The following NKAIN2 variants were observed in gnomAD, a reference collection of about 807,000 sequenced individuals.
NKAIN2 encodes the protein sodium/potassium-transporting ATPase subunit beta-1-interacting protein 2.
NKAIN2 carries 14 observed loss-of-function variants against 32.6 expected under a neutral mutation model. That is an observed-to-expected ratio of 0.43 (90% CI 0.28 to 0.67). The LOEUF is 0.67. NKAIN2 is among the 30% of genes least tolerant of loss of function. The pLI is 0.17. For missense variants in NKAIN2, 198 were observed against 258.3 expected (o/e 0.77, Z 1.60); for synonymous variants, 80 against 87.2 (o/e 0.92, Z 0.46).
chr6:124,407,587 G>C (rs1170329626), intron 3 of NKAIN2, among the ~76,000 whole-genome samples: 1 of 151,984 alleles, frequency 6.6e-6, no homozygotes, highest in Non-Finnish European at 1.5e-5. Context: ...TCTTAATCCA[G>C]TCTATCATTG....
intron 4 of NKAIN2, among the ~76,000 whole-genome samples, chr6:124,669,302 T>C (rs1772976391): frequency 6.6e-6 from 1 of 152,138 alleles, no homozygotes. Flanking sequence ...CTGCCCTGCA[T>C]TGGTATGAAG....
intron 3 of NKAIN2, among the ~76,000 whole-genome samples, chr6:124,499,034 C>CT (rs1308159511): frequency 1.3e-5 from 2 of 152,230 alleles, no homozygotes; most frequent in East Asian, 3.9e-4. Flanking sequence ...TCCCAAAGTG[C>CT]TGGTATTACA....
At chr6:124,787,409 G>A (rs905239607) in intron 4 of NKAIN2, among the ~76,000 whole-genome samples, 2 of 152,034 alleles carry the variant, frequency 1.3e-5, no homozygotes, top group African/African-American at 4.8e-5. Flanking sequence ...TAGCAACTCA[G>A]GACTCTGTTT....
At chr6:124,149,781 G>C (rs1484465842) in intron 1 of NKAIN2, among the ~76,000 whole-genome samples, 1 of 152,124 alleles carries the variant, frequency 6.6e-6, no homozygotes, top group Non-Finnish European at 1.5e-5. Flanking sequence ...CTGGCTGATG[G>C]ACGAAATGAG....
intron 1 of NKAIN2, among the ~76,000 whole-genome samples, chr6:124,054,291 A>G (rs1782546480): frequency 6.6e-6 from 1 of 152,098 alleles, no homozygotes; most frequent in Admixed American, 6.6e-5. Flanking sequence ...GCACACTGAT[A>G]GAGAAAGCCT....
intron 1 of NKAIN2, among the ~76,000 whole-genome samples, chr6:124,176,223 T>G (rs1369239424): frequency 6.6e-6 from 1 of 152,212 alleles, no homozygotes; most frequent in Non-Finnish European, 1.5e-5. Flanking sequence ...AGTGAGCACA[T>G]GCTGTTGGAA....
At chr6:124,638,347 C>A (rs1318084381) in intron 3 of NKAIN2, among the ~76,000 whole-genome samples, 2 of 152,062 alleles carry the variant, frequency 1.3e-5, no homozygotes, top group Non-Finnish European at 2.9e-5. Flanking sequence ...TGACATAGGT[C>A]AAGGCAAATA....
At chr6:124,094,481 A>G (rs1784567597) in intron 1 of NKAIN2, among the ~76,000 whole-genome samples, 1 of 152,176 alleles carries the variant, frequency 6.6e-6, no homozygotes, top group Admixed American at 6.6e-5. Flanking sequence ...AAAGATCTAC[A>G]GGAATCCACA....
At chr6:124,378,221 A>T (rs1340455600) in intron 3 of NKAIN2, among the ~76,000 whole-genome samples, 1 of 152,088 alleles carries the variant, frequency 6.6e-6, no homozygotes, top group Non-Finnish European at 1.5e-5. Flanking sequence ...GTGACAGAAC[A>T]CTCACACTCC....
chr6:124,257,630 G>A (rs1794011090), intron 1 of NKAIN2, among the ~76,000 whole-genome samples: 1 of 152,062 alleles, frequency 6.6e-6, no homozygotes, highest in East Asian at 1.9e-4. Context: ...TAATTTCCAG[G>A]ATATAAGAGG....
Position 124,487,147 on chromosome 6 carries a change from C to T in NKAIN2, c.273+131800C>T, listed in dbSNP as rs969158683. On this transcript the variant is annotated intron_variant, in intron 3 of 6. Transcript: ENST00000368417. The stretch of plus-strand genomic sequence containing the variant: ...TTCATTAATAATCAGTATTTTTGGT[C>T]AGTGTTCCCAGAGTTGTCTAAATTT... Among the ~76,000 whole-genome samples, 4 of 152,064 alleles carry T rather than the reference C, an allele frequency of 2.6e-5. No individual in the cohort carries two copies. The East Asian group carries it at 7.7e-4, about 29-fold the overall frequency.
At chr6:124,083,381 T>A (rs759995357) in intron 1 of NKAIN2, among the ~76,000 whole-genome samples, 1 of 151,968 alleles carries the variant, frequency 6.6e-6, no homozygotes, top group Non-Finnish European at 1.5e-5. Flanking sequence ...ATTGTTATTA[T>A]TGTCATCATT....
intron 1 of NKAIN2, among the ~76,000 whole-genome samples, chr6:123,950,655 A>C (rs769916447): frequency 6.6e-6 from 1 of 151,080 alleles, no homozygotes; most frequent in Non-Finnish European, 1.5e-5. Flanking sequence ...CTCCTTTTTC[A>C]TTTCTGATTT....
chr6:123,951,942 G>A (rs376294059), intron 1 of NKAIN2, among the ~76,000 whole-genome samples: 4 of 150,292 alleles, frequency 2.7e-5, no homozygotes, highest in African/African-American at 9.8e-5. Context: ...TTCTATAGTG[G>A]TAACATTTGA....
intron 1 of NKAIN2, among the ~76,000 whole-genome samples, chr6:123,808,078 C>G (rs1286235703): frequency 6.6e-6 from 1 of 152,042 alleles, no homozygotes; most frequent in Non-Finnish European, 1.5e-5. Flanking sequence ...TTTCAGTGAT[C>G]ATGATTTTAT....
intron 3 of NKAIN2, among the ~76,000 whole-genome samples, chr6:124,404,760 A>G (rs1001344226): frequency 1.7e-4 from 25 of 150,756 alleles, no homozygotes; most frequent in Non-Finnish European, 3.7e-4. Flanking sequence ...ATTTACATAG[A>G]TTTAAGTTAG....
chr6:124,204,210 A>T (rs539850741), intron 1 of NKAIN2, among the ~76,000 whole-genome samples: 1 of 151,950 alleles, frequency 6.6e-6, no homozygotes, highest in East Asian at 1.9e-4. Context: ...TAAATGAGAC[A>T]TAAGACTAAA....
At chr6:124,488,956 C>G (rs1777758436) in intron 3 of NKAIN2, among the ~76,000 whole-genome samples, 1 of 151,830 alleles carries the variant, frequency 6.6e-6, no homozygotes. Context: ...TTCCTTCTAT[C>G]TTTTGTAACA....
At chr6:124,202,310 C>A (rs2056561) in intron 1 of NKAIN2, among the ~76,000 whole-genome samples, 8,787 of 151,982 alleles carry the variant, frequency 0.058, 489 homozygotes, top group African/African-American at 0.12. Context: ...TTCTTCTCAA[C>A]ACCAATTTAG....
Sources: allele counts gnomAD v4.1 joint callset (sites outside exome capture counted in the v4.1 genomes callset), GRCh38; gene constraint gnomAD v4.1.1; transcripts MANE v1.5; gene names NCBI Gene and HGNC (gene_info 2026-07-23, HGNC 2026-07-21).